Variants in CHLSN observed in about 807,000 individuals in gnomAD.
CHLSN encodes the protein cholesin, also known as protein cholesin.
At chr7:1,060,584 G>C in the CHLSN span, among the ~76,000 whole-genome samples, 2 of 152,220 alleles carry the variant, frequency 1.3e-5, no homozygotes, top group Non-Finnish European at 2.9e-5. Context: ...CGAGGTCACT[G>C]GCATTATTCA....
the CHLSN span, chr7:1,021,501 G>C: frequency 3.0e-6 from 3 of 985,352 alleles, no homozygotes; most frequent in Non-Finnish European, 3.6e-6. Flanking sequence ...CAAGATGCCA[G>C]TAGTTGGAGC....
the CHLSN span, among the ~76,000 whole-genome samples, chr7:1,002,564 C>T: frequency 3.6e-3 from 59 of 16,350 alleles, 5 homozygotes; most frequent in African/African-American, 0.021. Flanking sequence ...TGGAGTCCTG[C>T]GGGTGAGTGG....
chr7:988,448 G>A, the CHLSN span: 362 of 1,611,048 alleles, frequency 2.2e-4, no homozygotes, highest in African/African-American at 3.9e-3. Context: ...GGGGTGGGGC[G>A]GCACCTCCAG....
At chr7:1,058,837 C>A in the CHLSN span, 1 of 356,214 alleles carries the variant, frequency 2.8e-6, no homozygotes, top group East Asian at 5.1e-5. Flanking sequence ...AGCTTAGAGC[C>A]AGTATTTATA....
the CHLSN span, among the ~76,000 whole-genome samples, chr7:1,132,895 G>T: frequency 6.6e-6 from 1 of 152,028 alleles, no homozygotes; most frequent in Non-Finnish European, 1.5e-5. Context: ...ATGACCAACA[G>T]GCACATGAAA....
At chr7:1,069,928 A>C in the CHLSN span, among the ~76,000 whole-genome samples, 2 of 90,916 alleles carry the variant, frequency 2.2e-5, no homozygotes, top group Non-Finnish European at 2.2e-5. Context: ...AGCCGCCATC[A>C]CATCTAGGAA....
chr7:1,004,610 T>C, the CHLSN span, among the ~76,000 whole-genome samples: 1 of 152,068 alleles, frequency 6.6e-6, no homozygotes, highest in Admixed American at 6.5e-5. Flanking sequence ...GCCTCGTCAC[T>C]GGGGGAGCAG....
At chr7:1,115,828 ATG>A in the CHLSN span, among the ~76,000 whole-genome samples, 1 of 98,220 alleles carries the variant, frequency 1.0e-5, no homozygotes, top group Non-Finnish European at 2.0e-5. Context: ...AGCTCTAGGG[ATG>A]GCTTCCATCA....
the CHLSN span, among the ~76,000 whole-genome samples, chr7:1,070,769 GCA>G: frequency 1.4e-5 from 2 of 142,934 alleles, no homozygotes; most frequent in African/African-American, 5.4e-5. Flanking sequence ...ACATACACAT[GCA>G]CACGCACGCA....
chr7:994,196 C>T, the CHLSN span, among the ~76,000 whole-genome samples: 1 of 152,314 alleles, frequency 6.6e-6, no homozygotes, highest in Admixed American at 6.5e-5. Context: ...CTCGCTCTGT[C>T]ACCCAGGCTG....
the CHLSN span, among the ~76,000 whole-genome samples, chr7:1,080,417 C>T: frequency 2.6e-5 from 4 of 152,190 alleles, no homozygotes; most frequent in African/African-American, 4.8e-5. Context: ...GCAGGAGGCA[C>T]GGGGACAGCC....
chr7:1,135,458 CAT>C, the CHLSN span, among the ~76,000 whole-genome samples: 4 of 151,918 alleles, frequency 2.6e-5, no homozygotes, highest in Non-Finnish European at 4.4e-5. Flanking sequence ...CATATATCTA[CAT>C]GTGTGTATAT....
chr7:1,034,331 G>A, the CHLSN span, among the ~76,000 whole-genome samples: 2 of 151,288 alleles, frequency 1.3e-5, no homozygotes, highest in Admixed American at 6.6e-5. Context: ...GCAGAGTCAA[G>A]ACATAAATTC....
chr7:1,116,489 C>A, the CHLSN span, among the ~76,000 whole-genome samples: 2 of 101,098 alleles, frequency 2.0e-5, no homozygotes, highest in African/African-American at 5.3e-5. Context: ...GACCAGCTTC[C>A]ATCACCGACG....
the CHLSN span, chr7:983,300 G>A: frequency 4.1e-5 from 63 of 1,541,982 alleles, no homozygotes; most frequent in East Asian, 9.8e-5. Flanking sequence ...CCAGCTGCCC[G>A]GTGGCCCCCG....
chr7:1,004,265 T>C, the CHLSN span, among the ~76,000 whole-genome samples: 1 of 152,110 alleles, frequency 6.6e-6, no homozygotes, highest in Non-Finnish European at 1.5e-5. Flanking sequence ...TGGGGGCTGT[T>C]TTACTGCTGC....
At chr7:1,006,323 A>C in the CHLSN span, among the ~76,000 whole-genome samples, 2 of 151,786 alleles carry the variant, frequency 1.3e-5, no homozygotes, top group Non-Finnish European at 2.9e-5. Context: ...GCCACAGTGC[A>C]GGGAAAGAGC....
At chr7:1,017,371 G>A in the CHLSN span, among the ~76,000 whole-genome samples, 1 of 152,134 alleles carries the variant, frequency 6.6e-6, no homozygotes, top group Non-Finnish European at 1.5e-5. Context: ...AGCCTGGCCT[G>A]CCGTGCCCTG....
chr7:990,585 C>T, the CHLSN span, among the ~76,000 whole-genome samples: 1 of 152,058 alleles, frequency 6.6e-6, no homozygotes, highest in Non-Finnish European at 1.5e-5. Flanking sequence ...GCCTCACACT[C>T]CCAGGTGGGG....
Sources: gnomAD v4.1 joint callset for allele counts (sites outside exome capture counted in the v4.1 genomes callset) on GRCh38, gnomAD v4.1.1 for gene constraint, MANE v1.5 for transcripts, NCBI Gene and HGNC (gene_info 2026-07-23, HGNC 2026-07-21) for gene names.